The following NRXN3 variants were observed in gnomAD, a reference collection of about 807,000 sequenced individuals.
NRXN3 encodes neurexin III.
In NRXN3, 32 loss-of-function variants were observed where a neutral mutation model predicts 137.6. The ratio of observed to expected loss-of-function variants is 0.23; its 90% CI spans 0.18 to 0.31. The LOEUF is 0.31. Among genes scored for constraint, NRXN3 ranks in the 10% least tolerant of loss-of-function variants. NRXN3 has a pLI of 1.00. For missense variants in NRXN3, 1,574 were observed against 2,062.5 expected (o/e 0.76, Z 4.59); for synonymous variants, 798 against 784.5 (o/e 1.02, Z -0.29).
At chr14:78,570,794 G>A (rs761796048) in intron 4 of NRXN3, among the ~76,000 whole-genome samples, 4 of 152,138 alleles carry the variant, frequency 2.6e-5, no homozygotes, top group Non-Finnish European at 4.4e-5. Context: ...TTTTAAAGCC[G>A]CCCAGTAGTT....
At chr14:78,493,922 G>A (rs560032477) in intron 4 of NRXN3, among the ~76,000 whole-genome samples, 6 of 152,224 alleles carry the variant, frequency 3.9e-5, no homozygotes, top group Admixed American at 1.3e-4. Context: ...AAGTAAACAC[G>A]CTGCAATGAT....
intron 15 of NRXN3, among the ~76,000 whole-genome samples, chr14:79,378,273 C>A (rs1475960785): frequency 6.6e-6 from 1 of 152,154 alleles, no homozygotes; most frequent in Non-Finnish European, 1.5e-5. Context: ...GCACACAGAC[C>A]ACATACAATT....
chr14:78,662,896 T>TA (rs1365262542), intron 6 of NRXN3, among the ~76,000 whole-genome samples: 1 of 152,208 alleles, frequency 6.6e-6, no homozygotes, highest in Admixed American at 6.5e-5. Flanking sequence ...CGAAAACCGT[T>TA]ACAACCACAG....
intron 6 of NRXN3, among the ~76,000 whole-genome samples, chr14:78,684,439 C>A (rs1444691470): frequency 6.6e-6 from 1 of 152,170 alleles, no homozygotes; most frequent in Non-Finnish European, 1.5e-5. Context: ...TGTATTTCTT[C>A]TGAGACACCC....
chr14:78,234,562 C>A (rs1270541430), intron 1 of NRXN3, among the ~76,000 whole-genome samples: 1 of 152,152 alleles, frequency 6.6e-6, no homozygotes, highest in Admixed American at 6.5e-5. Flanking sequence ...ACTACATTAT[C>A]CCGCCTGCAT....
chr14:79,796,406 G>C (rs1225972624), intron 19 of NRXN3, among the ~76,000 whole-genome samples: 1 of 151,984 alleles, frequency 6.6e-6, no homozygotes, highest in African/African-American at 2.4e-5. Flanking sequence ...CCCTCTGTCA[G>C]CCTGCCTTGA....
At position 79,280,678 on chromosome 14, in the gene NRXN3, G is replaced by A. The variant is rs916967948; in HGVS notation, c.3263-186543G>A. The A allele has an allele frequency of 4.5e-6, 4 of 888,158 alleles. No homozygotes were observed. In the Admixed American group the frequency reaches 7.5e-5, roughly 17 times the overall value. The allele number at this position is 888,158 out of a possible 1,614,324, so 55.0% of individuals were successfully genotyped here. On this transcript the variant is annotated intron_variant, in intron 15 of 20. Coordinates refer to ENST00000335750, the MANE Select transcript of NRXN3 (RefSeq NM_001330195.2). The stretch of plus-strand genomic sequence containing the variant: ...ATGAAAAGCATCGTATGTCCATGAG[G>A]GAAGCAAATTTCTACTTTCTCATAA...
intron 17 of NRXN3, among the ~76,000 whole-genome samples, chr14:79,671,195 G>C (rs1049168464): frequency 6.6e-6 from 1 of 152,118 alleles, no homozygotes; most frequent in Middle Eastern, 3.2e-3. Flanking sequence ...CAGTCTATGG[G>C]AGTGTAGCTT....
intron 16 of NRXN3, among the ~76,000 whole-genome samples, chr14:79,601,044 T>C (rs1377779419): frequency 6.7e-5 from 9 of 134,948 alleles, no homozygotes; most frequent in African/African-American, 2.5e-4. Context: ...TGTTGCCTTT[T>C]TTTTTTTTTT....
chr14:79,787,618 G>A (rs947410515), intron 19 of NRXN3, among the ~76,000 whole-genome samples: 2 of 152,076 alleles, frequency 1.3e-5, no homozygotes, highest in Admixed American at 6.6e-5. Flanking sequence ...TGACTTTTTA[G>A]ATTTCTACAT....
intron 1 of NRXN3, among the ~76,000 whole-genome samples, chr14:78,233,042 T>G (rs1304989822): frequency 6.6e-6 from 1 of 152,216 alleles, no homozygotes; most frequent in Non-Finnish European, 1.5e-5. Context: ...GTGCAACAAC[T>G]AGGCTACCTT....
Position 79,620,412 on chromosome 14 carries a change from A to G in NRXN3, c.3445-43366A>G, listed in dbSNP as rs528899495. Reference sequence around the variant, plus strand: ...TAGAAATGTGACTCCATGGGAAAACATGTAAGAACATGAGCAAAGATGGAT... The same window carrying G: ...TAGAAATGTGACTCCATGGGAAAACGTGTAAGAACATGAGCAAAGATGGAT... On this transcript the variant is annotated intron_variant, in intron 16 of 20. Coordinates refer to ENST00000335750, the MANE Select transcript of NRXN3 (RefSeq NM_001330195.2). Among the ~76,000 whole-genome samples, 227 of 152,282 alleles carry G rather than the reference A, an allele frequency of 1.5e-3. 1 individual carries two copies. Among genetic ancestry groups the G allele is most frequent in the African/African-American group, 5.4e-3 (224 of 41,584 alleles).
intron 2 of NRXN3, chr14:78,250,001 T>C (rs1343053093): frequency 2.2e-6 from 1 of 447,022 alleles, no homozygotes; most frequent in African/African-American, 2.0e-5. Context: ...GAGCACTGGC[T>C]CCAGGCTCAC....
At chr14:78,325,453 C>T (rs561901408) in intron 4 of NRXN3, among the ~76,000 whole-genome samples, 1 of 150,760 alleles carries the variant, frequency 6.6e-6, no homozygotes, top group Non-Finnish European at 1.5e-5. Flanking sequence ...GAATAATAGT[C>T]CTTACTTTGG....
rs569294384 is a variant in NRXN3 at position 78,455,489 on chromosome 14, C to T, written c.757+157629C>T. On this transcript the variant is annotated intron_variant, in intron 4 of 20. Transcript: ENST00000335750. ...CCGCTGGGTGCTTGCTTGTCTGAGC[C>T]GTGCTGTTGGCAGCAGTGCCCGATT... Among the ~76,000 whole-genome samples, 12 of 152,290 alleles carry T rather than the reference C, an allele frequency of 7.9e-5. No homozygotes were observed. In the East Asian group the frequency reaches 1.7e-3, roughly 22 times the overall value.
chr14:79,301,391 A>G (rs1321166921), intron 15 of NRXN3, among the ~76,000 whole-genome samples: 1 of 152,016 alleles, frequency 6.6e-6, no homozygotes, highest in Non-Finnish European at 1.5e-5. Flanking sequence ...CTTCATTAAG[A>G]TGGGTTGTGG....
chr14:79,753,305 G>C (rs2099005339), intron 19 of NRXN3, among the ~76,000 whole-genome samples: 1 of 151,796 alleles, frequency 6.6e-6, no homozygotes, highest in Non-Finnish European at 1.5e-5. Context: ...CAATAGCAAA[G>C]ACTTGGAACT....
intron 20 of NRXN3, among the ~76,000 whole-genome samples, chr14:79,807,236 A>C (rs541183713): frequency 7.9e-5 from 12 of 151,790 alleles, no homozygotes; most frequent in African/African-American, 2.9e-4. Flanking sequence ...TGACCTCCCA[A>C]ATGTTTTTCT....
chr14:78,362,934 G>A (rs539707025), intron 4 of NRXN3, among the ~76,000 whole-genome samples: 1 of 152,306 alleles, frequency 6.6e-6, no homozygotes, highest in Admixed American at 6.5e-5. Context: ...GGCATGGCTT[G>A]AGTCCATAGG....
Sources: allele counts gnomAD v4.1 joint callset (sites outside exome capture counted in the v4.1 genomes callset), GRCh38; gene constraint gnomAD v4.1.1; transcripts MANE v1.5; gene names NCBI Gene and HGNC (gene_info 2026-07-23, HGNC 2026-07-21).